PRIM2: variants seen among roughly 807,000 people sequenced by gnomAD.
PRIM2 encodes the protein DNA primase large subunit.
In PRIM2, 39 loss-of-function variants were observed where a neutral mutation model predicts 67.3. The ratio of observed to expected loss-of-function variants is 0.58; its 90% CI spans 0.45 to 0.76. PRIM2 has a LOEUF of 0.76. Among genes scored for constraint, PRIM2 ranks in the 30% least tolerant of loss-of-function variants. The pLI is 0.00. For missense variants in PRIM2, 398 were observed against 598.7 expected (o/e 0.66, Z 3.50); for synonymous variants, 143 against 198.7 (o/e 0.72, Z 2.36).
At chr6:57,458,189 T>G (rs1772871244) in intron 7 of PRIM2, among the ~76,000 whole-genome samples, 1 of 152,128 alleles carries the variant, frequency 6.6e-6, no homozygotes, top group Non-Finnish European at 1.5e-5. Flanking sequence ...GGGGCTCTGT[T>G]CCATATTGTC....
chr6:57,418,383 G>GGTTTTGT (rs1554336216), intron 7 of PRIM2, among the ~76,000 whole-genome samples: 1 of 47,228 alleles, frequency 2.1e-5, no homozygotes, highest in Non-Finnish European at 4.3e-5. Context: ...TATGTGTGTG[G>GGTTTTGT]TTTTTTTTTT....
At chr6:57,247,011 T>C in the PRIM2 span, among the ~76,000 whole-genome samples, 1 of 152,070 alleles carries the variant, frequency 6.6e-6, no homozygotes, top group Non-Finnish European at 1.5e-5. Context: ...CCCACCACCA[T>C]GCCCGGCTAA....
At chr6:57,287,576 A>C in the PRIM2 span, among the ~76,000 whole-genome samples, 1 of 152,194 alleles carries the variant, frequency 6.6e-6, no homozygotes, top group South Asian at 2.1e-4. Context: ...ACATGGACAC[A>C]GGGAGGGGAC....
chr6:57,594,602 A>G (rs1371416154), intron 10 of PRIM2, among the ~76,000 whole-genome samples: 1 of 152,258 alleles, frequency 6.6e-6, no homozygotes, highest in Non-Finnish European at 1.5e-5. Flanking sequence ...GTGTTCAGAA[A>G]GGTGTTTTTC....
chr6:57,467,817 G>T (rs1440585544), intron 7 of PRIM2, among the ~76,000 whole-genome samples: 16 of 152,046 alleles, frequency 1.1e-4, no homozygotes, highest in African/African-American at 3.9e-4. Context: ...GCAGTGGTTT[G>T]TAGTTCTCCT....
intron 1 of PRIM2, among the ~76,000 whole-genome samples, 162 bp downstream of exon 1, chr6:57,317,863 T>A (rs941578880): frequency 6.6e-6 from 1 of 151,054 alleles, no homozygotes; most frequent in Admixed American, 6.6e-5. Flanking sequence ...CAGGGAGGAG[T>A]TGGGGAGAGA....
the PRIM2 span, among the ~76,000 whole-genome samples, chr6:57,292,795 G>A: frequency 6.6e-6 from 1 of 152,140 alleles, no homozygotes; most frequent in Non-Finnish European, 1.5e-5. Context: ...TATGTAGAAA[G>A]CTGAAACTGG....
intron 7 of PRIM2, among the ~76,000 whole-genome samples, chr6:57,432,558 G>A (rs1771873294): frequency 6.6e-6 from 1 of 152,004 alleles, no homozygotes; most frequent in Non-Finnish European, 1.5e-5. Flanking sequence ...AAAGTCCTTA[G>A]TGTTATTATG....
intron 5 of PRIM2, among the ~76,000 whole-genome samples, chr6:57,357,721 G>C (rs1412755442): frequency 2.0e-5 from 3 of 151,832 alleles, no homozygotes; most frequent in African/African-American, 7.3e-5. Context: ...TCAGCCTCCT[G>C]AGTAGCTAGG....
At chr6:57,617,869 C>T (rs1461997871) in intron 12 of PRIM2, among the ~76,000 whole-genome samples, 1 of 152,098 alleles carries the variant, frequency 6.6e-6, no homozygotes, top group Non-Finnish European at 1.5e-5. Flanking sequence ...TATTATAGCT[C>T]TAGCTTTTAT....
chr6:57,639,987 T>G (rs1334437050), intron 13 of PRIM2, among the ~76,000 whole-genome samples: 2 of 151,934 alleles, frequency 1.3e-5, no homozygotes, highest in African/African-American at 4.8e-5. Flanking sequence ...AAATCCTCAA[T>G]AAAATACTGG....
chr6:57,319,808 G>T (rs1767589889), intron 2 of PRIM2, among the ~76,000 whole-genome samples: 1 of 152,166 alleles, frequency 6.6e-6, no homozygotes, highest in Non-Finnish European at 1.5e-5. Flanking sequence ...GGAATGAGGG[G>T]AGGATAATTA....
At chr6:57,633,496 A>G (rs1777067323) in intron 13 of PRIM2, among the ~76,000 whole-genome samples, 2 of 152,126 alleles carry the variant, frequency 1.3e-5, no homozygotes, top group African/African-American at 4.8e-5. Context: ...ATAATTGCAG[A>G]ATTTCTTACT....
At chr6:57,274,863 G>C in the PRIM2 span, among the ~76,000 whole-genome samples, 1 of 151,248 alleles carries the variant, frequency 6.6e-6, no homozygotes, top group Non-Finnish European at 1.5e-5. Flanking sequence ...TGCAACCTCT[G>C]TCTCCCAGGT....
intron 10 of PRIM2, among the ~76,000 whole-genome samples, chr6:57,538,187 T>C (rs1433001348): frequency 1.3e-5 from 2 of 152,054 alleles, no homozygotes; most frequent in East Asian, 3.9e-4. Context: ...GCTAATTTTT[T>C]TCTTTTTTTA....
At chr6:57,562,930 T>G (rs1220193363) in intron 10 of PRIM2, among the ~76,000 whole-genome samples, 1 of 152,284 alleles carries the variant, frequency 6.6e-6, no homozygotes, top group East Asian at 1.9e-4. Context: ...GCTTCCTAAT[T>G]CCTCTTCCAG....
upstream of PRIM2, among the ~76,000 whole-genome samples, chr6:57,311,373 G>GCGCTCCT (rs1767386631): frequency 6.7e-6 from 1 of 149,372 alleles, no homozygotes; most frequent in East Asian, 2.0e-4. Flanking sequence ...CGGGGCAGAG[G>GCGCTCCT]CACTCCTCAC....
intron 7 of PRIM2, among the ~76,000 whole-genome samples, chr6:57,467,721 A>T (rs1253154891): frequency 6.6e-6 from 1 of 152,192 alleles, no homozygotes; most frequent in Non-Finnish European, 1.5e-5. Context: ...TTTGGGCAGC[A>T]TGGCCATTTT....
At chr6:57,255,541 C>T in the PRIM2 span, among the ~76,000 whole-genome samples, 42 of 151,914 alleles carry the variant, frequency 2.8e-4, no homozygotes, top group African/African-American at 9.9e-4. Context: ...ACTTGCATCC[C>T]TATATTTCCA....
Sources: allele counts gnomAD v4.1 joint callset (sites outside exome capture counted in the v4.1 genomes callset), GRCh38; gene constraint gnomAD v4.1.1; transcripts MANE v1.5; gene names NCBI Gene and HGNC (gene_info 2026-07-23, HGNC 2026-07-21).